Variants in ELP4 observed in about 807,000 individuals in gnomAD.
ELP4 encodes elongator acetyltransferase complex subunit 4, also known as elongator complex protein 4.
ELP4 carries 51 observed loss-of-function variants against 48.9 expected under a neutral mutation model. That is an observed-to-expected ratio of 1.04 (90% CI 0.83 to 1.32). ELP4 has a LOEUF of 1.32. Ranked by LOEUF, ELP4 falls within the 40% of genes most tolerant of loss-of-function variation. ELP4 has a pLI of 0.00. For missense variants in ELP4, 519 were observed against 514.6 expected (o/e 1.01, Z -0.08); for synonymous variants, 210 against 189.2 (o/e 1.11, Z -0.90).
chr11:31,619,649 C>T (rs777162907), intron 5 of ELP4, among the ~76,000 whole-genome samples: 5 of 147,480 alleles, frequency 3.4e-5, no homozygotes, highest in Non-Finnish European at 5.9e-5. Context: ...AAATTTTCAC[C>T]TCTGTTTTTT....
chr11:31,555,288 G>T (rs893638172), intron 3 of ELP4, among the ~76,000 whole-genome samples: 1 of 152,002 alleles, frequency 6.6e-6, no homozygotes, highest in Admixed American at 6.6e-5. Context: ...AGTTATTCTA[G>T]TTCTTGCTTG....
At chr11:31,563,704 C>A (rs947611048) in intron 3 of ELP4, among the ~76,000 whole-genome samples, 1 of 152,122 alleles carries the variant, frequency 6.6e-6, no homozygotes, top group South Asian at 2.1e-4. Flanking sequence ...TCCTTCCCAT[C>A]CTGTCATCTG....
At chr11:31,780,296 C>T (rs375604451) in intron 9 of ELP4, among the ~76,000 whole-genome samples, 1 of 152,120 alleles carries the variant, frequency 6.6e-6, no homozygotes, top group East Asian at 1.9e-4. Flanking sequence ...ATGCCTGGAA[C>T]CTGATCTCTC....
intron 9 of ELP4, among the ~76,000 whole-genome samples, chr11:31,699,124 C>A (rs990564266): frequency 6.6e-6 from 1 of 152,074 alleles, no homozygotes; most frequent in African/African-American, 2.4e-5. Flanking sequence ...GCAATGACAA[C>A]CCTAGGGAAT....
chr11:31,544,333 G>A (rs998163519), intron 3 of ELP4, among the ~76,000 whole-genome samples: 14 of 152,300 alleles, frequency 9.2e-5, no homozygotes, highest in South Asian at 6.2e-4. Context: ...AAAAAACGGC[G>A]CATCAGGAGT....
In ELP4 at chr11:31,789,829, A is replaced by G. The variant is rs765087371; in HGVS notation, c.*6305A>G. The G allele has an allele frequency of 9.7e-7, 1 of 1,034,654 alleles. No individual in the cohort carries two copies. Among genetic ancestry groups the G allele is most frequent in the Non-Finnish European group, 1.5e-6 (1 of 676,576 alleles). The allele number at this position is 1,034,654 out of a possible 1,614,324, so 64.1% of individuals were successfully genotyped here. ...ACAATTGTAGAACTGAAGCGGCTCTAACAGCCATTTTTCTTTCTTTCCTGA... is the reference window on the plus strand; with the variant it reads ...ACAATTGTAGAACTGAAGCGGCTCTGACAGCCATTTTTCTTTCTTTCCTGA... On this transcript the variant is annotated 3_prime_UTR_variant, in exon 10 of 10. Coordinates refer to ENST00000640961, the MANE Select transcript of ELP4 (RefSeq NM_019040.5).
intron 9 of ELP4, among the ~76,000 whole-genome samples, chr11:31,690,455 A>G (rs1395480189): frequency 1.3e-5 from 2 of 152,036 alleles, no homozygotes; most frequent in Non-Finnish European, 2.9e-5. Flanking sequence ...TATCTGCAAT[A>G]TTGTGATGGA....
intron 3 of ELP4, among the ~76,000 whole-genome samples, chr11:31,578,738 G>C (rs570335976): frequency 1.3e-5 from 2 of 152,338 alleles, no homozygotes; most frequent in East Asian, 3.9e-4. Context: ...CTAGCCACAT[G>C]TAGAAAGCTG....
chr11:31,616,329 A>G (rs1236436603), intron 5 of ELP4, among the ~76,000 whole-genome samples: 2 of 152,220 alleles, frequency 1.3e-5, no homozygotes, highest in Admixed American at 1.3e-4. Flanking sequence ...GTCACTCACA[A>G]GGACTGTTTA....
chr11:31,697,710 G>A (rs1369624705), intron 9 of ELP4, among the ~76,000 whole-genome samples: 1 of 152,038 alleles, frequency 6.6e-6, no homozygotes, highest in Non-Finnish European at 1.5e-5. Context: ...TATTAAAAAT[G>A]TCTAAACTTG....
At chr11:31,657,830 C>A (rs1945469477) in intron 9 of ELP4, among the ~76,000 whole-genome samples, 1 of 151,914 alleles carries the variant, frequency 6.6e-6, no homozygotes, top group South Asian at 2.1e-4. Flanking sequence ...CTAACATGTT[C>A]ACAAACTCTG....
chr11:31,716,730 C>A (rs566301310), intron 9 of ELP4, among the ~76,000 whole-genome samples: 7 of 152,232 alleles, frequency 4.6e-5, no homozygotes, highest in African/African-American at 1.7e-4. Context: ...ATGTACCTAG[C>A]AGTATGCTTT....
intron 9 of ELP4, among the ~76,000 whole-genome samples, chr11:31,672,909 A>T (rs1478836481): frequency 6.6e-6 from 1 of 152,238 alleles, no homozygotes; most frequent in Non-Finnish European, 1.5e-5. Flanking sequence ...ATGATATTCT[A>T]AGTTTAAGTT....
At chr11:31,562,527 T>A (rs1957038772) in intron 3 of ELP4, among the ~76,000 whole-genome samples, 1 of 152,178 alleles carries the variant, frequency 6.6e-6, no homozygotes, top group South Asian at 2.1e-4. Flanking sequence ...TTCATGTAAT[T>A]GATGTGATTG....
chr11:31,679,283 C>T (rs551739332), intron 9 of ELP4, among the ~76,000 whole-genome samples: 26 of 152,280 alleles, frequency 1.7e-4, no homozygotes, highest in Non-Finnish European at 2.9e-4. Context: ...GACTATACCA[C>T]ATGTCTTGAT....
intron 1 of ELP4, among the ~76,000 whole-genome samples, chr11:31,517,913 C>T (rs111449721): frequency 1.8e-4 from 28 of 151,844 alleles, no homozygotes; most frequent in African/African-American, 5.8e-4. Flanking sequence ...CCACCGCACC[C>T]GGCCCAACTT....
intron 3 of ELP4, among the ~76,000 whole-genome samples, chr11:31,575,141 A>G (rs1321020776): frequency 6.6e-6 from 1 of 152,262 alleles, no homozygotes; most frequent in African/African-American, 2.4e-5. Context: ...TACGTGAAGC[A>G]TGCATAAGCT....
At chr11:31,676,787 A>G (rs1345132140) in intron 9 of ELP4, among the ~76,000 whole-genome samples, 1 of 152,200 alleles carries the variant, frequency 6.6e-6, no homozygotes, top group African/African-American at 2.4e-5. Flanking sequence ...TCATGTATCA[A>G]ATGAATGGCT....
intron 9 of ELP4, among the ~76,000 whole-genome samples, chr11:31,726,034 A>G (rs1313792234): frequency 6.6e-6 from 1 of 152,250 alleles, no homozygotes; most frequent in African/African-American, 2.4e-5. Context: ...GGAGGGTGGT[A>G]TATCAGATAG....
Sources: allele counts gnomAD v4.1 joint callset (sites outside exome capture counted in the v4.1 genomes callset), GRCh38; gene constraint gnomAD v4.1.1; transcripts MANE v1.5; gene names NCBI Gene and HGNC (gene_info 2026-07-23, HGNC 2026-07-21).